ARHGAP8: variants seen among roughly 807,000 people sequenced by gnomAD.
ARHGAP8 encodes rho GTPase-activating protein 8.
Under a neutral mutation model 46.1 loss-of-function variants are expected in ARHGAP8, and 62 were observed. The ratio of observed to expected loss-of-function variants is 1.34; its 90% CI spans 1.10 to 1.66. ARHGAP8 has a LOEUF of 1.66. Among genes scored for constraint, ARHGAP8 ranks in the 40% most tolerant of loss-of-function variants. The pLI is 0.00. For synonymous variants in ARHGAP8, 375 were observed against 243.1 expected (o/e 1.54, Z -5.05); for missense variants, 923 against 568.4 (o/e 1.62, Z -6.34).
chr22:44,798,193 C>T (rs1261694049), intron 2 of ARHGAP8, among the ~76,000 whole-genome samples: 1 of 151,832 alleles, frequency 6.6e-6, no homozygotes, highest in Non-Finnish European at 1.5e-5. Flanking sequence ...CCAGGCTGGT[C>T]TCGAACTCCT....
chr22:44,764,362 G>A (rs2146997855), intron 1 of ARHGAP8, among the ~76,000 whole-genome samples: 2 of 152,360 alleles, frequency 1.3e-5, no homozygotes, highest in Middle Eastern at 3.4e-3. Context: ...GAGGAGAGGG[G>A]TCCCATGGCA....
chr22:44,764,516 C>T (rs970969369), intron 1 of ARHGAP8, among the ~76,000 whole-genome samples: 1 of 152,240 alleles, frequency 6.6e-6, no homozygotes, highest in Non-Finnish European at 1.5e-5. Flanking sequence ...ATGTGTTTGA[C>T]ATTCCCTGCA....
chr22:44,857,996 A>G (rs2070282991), intron 10 of ARHGAP8, among the ~76,000 whole-genome samples: 1 of 152,186 alleles, frequency 6.6e-6, no homozygotes. Flanking sequence ...TAATTCGTAG[A>G]TAAGGTTCAG....
At chr22:44,793,894 T>C (rs1927887574) in intron 2 of ARHGAP8, among the ~76,000 whole-genome samples, 1 of 152,238 alleles carries the variant, frequency 6.6e-6, no homozygotes, top group South Asian at 2.1e-4. Flanking sequence ...TCATATTGAC[T>C]GATGGCATCA....
chr22:44,767,948 C>G (rs1040018347), intron 1 of ARHGAP8, among the ~76,000 whole-genome samples: 1 of 141,488 alleles, frequency 7.1e-6, no homozygotes, highest in Non-Finnish European at 1.5e-5. Flanking sequence ...TAGAATGTCT[C>G]TCCTAGATTT....
intron 7 of ARHGAP8, among the ~76,000 whole-genome samples, chr22:44,839,491 G>GC (rs1412368557): frequency 6.6e-6 from 1 of 152,182 alleles, no homozygotes; most frequent in Non-Finnish European, 1.5e-5. Flanking sequence ...GATACCATGT[G>GC]CACCTGATAA....
intron 2 of ARHGAP8, among the ~76,000 whole-genome samples, chr22:44,790,167 AC>A (rs143379838): frequency 6.6e-6 from 1 of 152,260 alleles, no homozygotes; most frequent in African/African-American, 2.4e-5. Flanking sequence ...GAGAATGATG[AC>A]GGCAGCTACT....
At position 44,822,466 on chromosome 22, in the gene ARHGAP8, T is replaced by C; in HGVS notation, c.482T>C (p.Leu161Ser). Residue 161 changes from leucine (L) to serine (S), a missense_variant, in exon 6 of 12, where the codon TTG becomes TCG. Leu to Ser is a moderately radical substitution (Grantham distance 145). Transcript: ENST00000356099. ...CAGCTGGTCATCCCTCCCGAAGTTT[T>C]GCGGTAAGTGCCTGTTAGACCCCAG... ...YDQLVIPPEV[L>S]RYDEKLQSLH... 1 of 1,552,368 alleles carries C rather than the reference T, an allele frequency of 6.4e-7. No homozygotes were observed. The highest frequency in any genetic ancestry group is 8.6e-7 in the Non-Finnish European group (1 of 1,158,080).
chr22:44,799,688 C>T (rs1928343577), intron 2 of ARHGAP8, among the ~76,000 whole-genome samples: 1 of 152,090 alleles, frequency 6.6e-6, no homozygotes, highest in Non-Finnish European at 1.5e-5. Flanking sequence ...GTGCCTCAGG[C>T]TGTTCTTACC....
chr22:44,767,982 G>GTTTTTTTTTTTT (rs1569134963), intron 1 of ARHGAP8, among the ~76,000 whole-genome samples: 1 of 69,756 alleles, frequency 1.4e-5, no homozygotes, highest in Non-Finnish European at 2.8e-5. Context: ...CCCGCATGAT[G>GTTTTTTTTTTTT]TCTTTTTTTT....
intron 7 of ARHGAP8, among the ~76,000 whole-genome samples, chr22:44,834,865 C>G (rs778362319): frequency 6.6e-6 from 1 of 151,972 alleles, no homozygotes; most frequent in Non-Finnish European, 1.5e-5. Flanking sequence ...CCTTCCTTGC[C>G]ACTAGTAACA....
At position 44,808,990 on chromosome 22, in the gene ARHGAP8, G is replaced by GTT. The variant is rs1391614459; in HGVS notation, c.299+553_299+554insTT. 1.9e-5 allele frequency: 8 copies of GTT among 415,298 alleles called. 1 individual carries two copies. The highest frequency in any genetic ancestry group is 1.1e-4 in the Admixed American group (4 of 36,912). The allele number at this position is 415,298 out of a possible 1,614,324, so 25.7% of individuals were successfully genotyped here. A position where few individuals can be genotyped will look rare whatever the true frequency, so the allele number is the denominator to read the frequency against. On this transcript the variant is annotated intron_variant, in intron 4 of 11. Transcript: ENST00000356099. ...TCACCACCATGCCTAGCTAATTTTTGTATTTTTTTTTGTAGAGACGGGGAT... is the reference window on the plus strand; with the variant it reads ...TCACCACCATGCCTAGCTAATTTTTGTTTATTTTTTTTTGTAGAGACGGGGAT...
intron 3 of ARHGAP8, among the ~76,000 whole-genome samples, chr22:44,807,701 T>G (rs1216411627): frequency 6.6e-6 from 1 of 152,212 alleles, no homozygotes; most frequent in Non-Finnish European, 1.5e-5. Flanking sequence ...CAGTTCTGGA[T>G]GCCAGAAGTT....
chr22:44,854,701 C>G lies in ARHGAP8; in HGVS notation c.878-5030C>G, dbSNP rs536260353. On this transcript the variant is annotated intron_variant, in intron 10 of 11. Coordinates refer to ENST00000356099, the MANE Select transcript of ARHGAP8 (RefSeq NM_181335.3). ...TTGCCCAGGCTGGAGTGCAATGGCA[C>G]CATCTCAGCTCACTGCAACCTCTGG... Among the ~76,000 whole-genome samples, 8 of 152,234 alleles carry G rather than the reference C, an allele frequency of 5.3e-5. No homozygotes were observed. In the East Asian group the frequency reaches 1.5e-3, roughly 29 times the overall value.
chr22:44,860,803 A>C (rs749549782), intron 11 of ARHGAP8, among the ~76,000 whole-genome samples: 15 of 152,202 alleles, frequency 9.9e-5, no homozygotes, highest in Non-Finnish European at 2.1e-4. Flanking sequence ...CCCAACCCCC[A>C]GACCCACGGC....
At chr22:44,801,135 A>ACACCCGCAGC (rs1928492899) in intron 2 of ARHGAP8, among the ~76,000 whole-genome samples, 1 of 29,940 alleles carries the variant, frequency 3.3e-5, no homozygotes, top group East Asian at 1.5e-3. Flanking sequence ...GCAGCTGTCC[A>ACACCCGCAGC]TGTGTGGGGG....
Position 44,846,627 on chromosome 22 carries a change from C to T in ARHGAP8, c.670+1285C>T, listed in dbSNP as rs557102852. On this transcript the variant is annotated intron_variant, in intron 8 of 11. Coordinates refer to ENST00000356099, the MANE Select transcript of ARHGAP8 (RefSeq NM_181335.3). ...TGGACTGCCCCTCCTTGCCCTCTAC[C>T]GGTTAGGTCCTGCTTTCCGGAAGCC... Among the ~76,000 whole-genome samples the T allele has an allele frequency of 1.2e-4, 18 of 152,308 alleles. No homozygotes were observed. The East Asian group carries it at 1.4e-3, about 12-fold the overall frequency.
At chr22:44,808,908 C>G in intron 4 of ARHGAP8, 2 of 365,114 alleles carry the variant, frequency 5.5e-6, no homozygotes, top group Admixed American at 7.0e-5. Context: ...GCCTCGGCCT[C>G]CTGGGCTCAA....
intron 4 of ARHGAP8, among the ~76,000 whole-genome samples, chr22:44,811,340 G>C (rs950334369): frequency 6.6e-6 from 1 of 152,246 alleles, no homozygotes; most frequent in African/African-American, 2.4e-5. Context: ...GGCCGGCCTC[G>C]TGGCAACCTG....
Sources: gnomAD v4.1 joint callset for allele counts (sites outside exome capture counted in the v4.1 genomes callset) on GRCh38, gnomAD v4.1.1 for gene constraint, MANE v1.5 for transcripts, NCBI Gene and HGNC (gene_info 2026-07-23, HGNC 2026-07-21) for gene names.